The following APBA2 variants were observed in gnomAD, a reference collection of about 807,000 sequenced individuals.
APBA2 encodes amyloid-beta A4 precursor protein-binding family A member 2.
A neutral mutation model predicts 75.0 loss-of-function variants in APBA2; 30 were observed. That is an observed-to-expected ratio of 0.40 (90% CI 0.30 to 0.54). APBA2 has a LOEUF of 0.54. APBA2 is among the 20% of genes least tolerant of loss of function. The probability of loss-of-function intolerance (pLI) is 0.49; values close to 1 mark genes in which losing one functional copy is unlikely to be tolerated. For missense variants in APBA2, 801 were observed against 1,016.1 expected (o/e 0.79, Z 2.88); for synonymous variants, 444 against 409.6 (o/e 1.08, Z -1.01).
intron 1 of APBA2, among the ~76,000 whole-genome samples, chr15:28,907,391 A>G (rs1408604452): frequency 6.6e-6 from 1 of 152,084 alleles, no homozygotes; most frequent in Non-Finnish European, 1.5e-5. Context: ...TTTTGGTAAG[A>G]CTTTGTTATC....
chr15:28,937,120 C>T (rs532251986), intron 2 of APBA2, among the ~76,000 whole-genome samples: 7 of 152,262 alleles, frequency 4.6e-5, no homozygotes, highest in Middle Eastern at 3.4e-3. Context: ...CCCATGTGCC[C>T]GGTGGTGGTC....
chr15:29,076,205 T>A, intron 6 of APBA2, 114 bp downstream of exon 6: 1 of 1,146,348 alleles, frequency 8.7e-7, no homozygotes. Context: ...CGTGCCTACC[T>A]ACCAGCAAGG....
chr15:29,039,149 G>A (rs2040902480), intron 3 of APBA2, among the ~76,000 whole-genome samples: 1 of 140,246 alleles, frequency 7.1e-6, no homozygotes, highest in African/African-American at 2.9e-5. Context: ...GTGTGTGTGT[G>A]TGTGTGTATC....
In APBA2 at chr15:29,054,843, C is replaced by A; in HGVS notation, c.951+8C>A. On this transcript the variant is annotated splice_region_variant and intron_variant, in intron 4 of 14. Transcript: ENST00000683413. The surrounding 1 kb of genome is among the most constrained non-coding windows in gnomAD (Gnocchi z 6.1). ...AAGTGGCCCCACGAGCAGGTAGGAC[C>A]CTGGCTGTCCTGGGGAAGGGAGCAG... 6.3e-7 allele frequency: 1 copy of A among 1,593,454 alleles called. No homozygotes were observed. Among genetic ancestry groups the A allele is most frequent in the Non-Finnish European group, 8.5e-7 (1 of 1,177,004 alleles).
intron 2 of APBA2, among the ~76,000 whole-genome samples, chr15:28,975,818 A>G (rs1219543857): frequency 6.6e-6 from 1 of 152,210 alleles, no homozygotes; most frequent in Non-Finnish European, 1.5e-5. Flanking sequence ...CCATATTGGC[A>G]GAGAGGAAAA....
chr15:28,897,738 CT>C (rs1159663058), intron 1 of APBA2, among the ~76,000 whole-genome samples: 2 of 151,642 alleles, frequency 1.3e-5, no homozygotes, highest in Non-Finnish European at 2.9e-5. Context: ...CTTTGGGAAG[CT>C]TTTTTGTAGA....
chr15:28,933,875 C>T (rs1049647819), intron 2 of APBA2, among the ~76,000 whole-genome samples: 7 of 152,206 alleles, frequency 4.6e-5, no homozygotes, highest in African/African-American at 1.7e-4. Context: ...CAAGGAGGGG[C>T]TGCCCACATG....
At chr15:28,922,458 C>T (rs1447584081) in intron 2 of APBA2, among the ~76,000 whole-genome samples, 2 of 152,154 alleles carry the variant, frequency 1.3e-5, no homozygotes, top group Admixed American at 6.5e-5. Context: ...GGGAGCAGCT[C>T]AGCCCCTCCT....
In APBA2 at chr15:29,117,641, C is replaced by CGACTT. The variant is rs2045280113; in HGVS notation, c.*510_*514dup. On this transcript the variant is annotated 3_prime_UTR_variant, in exon 15 of 15. Transcript: ENST00000683413. ...CACGGGCAGCCTGGCTCCCAGGACA[C>CGACTT]GACTTGTAATGAAAGTTTGGGGACA... The CGACTT allele has an allele frequency of 6.2e-6, 1 of 161,058 alleles. No homozygotes were observed. Among genetic ancestry groups the CGACTT allele is most frequent in the African/African-American group, 2.4e-5 (1 of 41,368 alleles). 10.0% of individuals were successfully genotyped at this position (161,058 alleles called of 1,614,324 possible). A position where few individuals can be genotyped will look rare whatever the true frequency, so the allele number is the denominator to read the frequency against.
At chr15:28,899,397 C>T (rs1183152691) in intron 1 of APBA2, among the ~76,000 whole-genome samples, 2 of 152,394 alleles carry the variant, frequency 1.3e-5, no homozygotes, top group Middle Eastern at 3.4e-3. Flanking sequence ...AGGGCCATGT[C>T]GCTGACTTCA....
chr15:28,934,210 G>T (rs1035081893), intron 2 of APBA2, among the ~76,000 whole-genome samples: 1 of 152,164 alleles, frequency 6.6e-6, no homozygotes, highest in African/African-American at 2.4e-5. Context: ...GCCACTGCAG[G>T]CTTTGGAGCC....
intron 2 of APBA2, among the ~76,000 whole-genome samples, chr15:28,969,128 T>TTCTCTTTCTTTCTTTCTTTC (rs755972827): frequency 1.2e-4 from 17 of 137,142 alleles, no homozygotes; most frequent in Admixed American, 8.3e-4. Flanking sequence ...TTTCATTTCT[T>TTCTCTTTCTTTCTTTCTTTC]TTTCTTTCTT....
chr15:29,078,211 T>A (rs2042931186), intron 6 of APBA2, among the ~76,000 whole-genome samples: 1 of 151,990 alleles, frequency 6.6e-6, no homozygotes, highest in Non-Finnish European at 1.5e-5. Context: ...GGGGAATCGC[T>A]TGAACCCAGG....
chr15:29,100,078 C>A (rs1182947079), intron 9 of APBA2, among the ~76,000 whole-genome samples: 1 of 152,104 alleles, frequency 6.6e-6, no homozygotes, highest in South Asian at 2.1e-4. Context: ...CTGGGAAGGC[C>A]AAAGTAGCCA....
At chr15:29,113,397 A>AC (rs1418131272) in intron 13 of APBA2, among the ~76,000 whole-genome samples, 2 of 152,068 alleles carry the variant, frequency 1.3e-5, no homozygotes, top group Non-Finnish European at 2.9e-5. Flanking sequence ...GTCGATGTAG[A>AC]CCATTTGGGC....
At chr15:28,932,721 A>T (rs1411615007) in intron 2 of APBA2, among the ~76,000 whole-genome samples, 1 of 152,126 alleles carries the variant, frequency 6.6e-6, no homozygotes, top group African/African-American at 2.4e-5. Flanking sequence ...CTCCTGAGGG[A>T]ATGAAAATGA....
intron 6 of APBA2, among the ~76,000 whole-genome samples, chr15:29,084,629 T>G (rs2043210043): frequency 6.6e-6 from 1 of 152,260 alleles, no homozygotes; most frequent in African/African-American, 2.4e-5. Flanking sequence ...TTGTTTTTGT[T>G]TGCATTTTCC....
intron 1 of APBA2, 89 bp downstream of exon 1, chr15:28,886,367 G>T (rs553420629): frequency 6.6e-6 from 1 of 151,538 alleles, no homozygotes; most frequent in African/African-American, 2.4e-5. Flanking sequence ...CGCGTGGGGG[G>T]CGGCGCGGAG....
intron 2 of APBA2, among the ~76,000 whole-genome samples, chr15:28,924,622 T>G (rs2034157365): frequency 1.3e-5 from 2 of 152,256 alleles, no homozygotes; most frequent in African/African-American, 2.4e-5. Context: ...CTGAACAATA[T>G]TGCATTCTGC....
Sources: gnomAD v4.1 joint callset for allele counts (sites outside exome capture counted in the v4.1 genomes callset) on GRCh38, gnomAD v4.1.1 for gene constraint, Gnocchi (gnomAD v3.1) non-coding constraint, MANE v1.5 for transcripts, NCBI Gene and HGNC (gene_info 2026-07-23, HGNC 2026-07-21) for gene names.